AZI2: variants seen among roughly 807,000 people sequenced by gnomAD.
The protein encoded by AZI2 is 5-azacytidine induced 2.
AZI2 carries 22 observed loss-of-function variants against 45.8 expected under a neutral mutation model. The ratio of observed to expected loss-of-function variants is 0.48; its 90% confidence interval spans 0.34 to 0.69. AZI2 has a LOEUF of 0.69. Ranked by LOEUF, AZI2 falls within the 30% of genes least tolerant of loss-of-function variation. The pLI is 0.01. For missense variants in AZI2, 417 were observed against 441.5 expected (o/e 0.94, Z 0.50); for synonymous variants, 137 against 156.7 (o/e 0.87, Z 0.94).
At chr3:28,332,242 C>T (rs2125646544) in intron 6 of AZI2, 127 bp downstream of exon 6, 1 of 743,668 alleles carries the variant, frequency 1.3e-6, no homozygotes, top group Non-Finnish European at 2.2e-6. Context: ...TCAGAGGTTA[C>T]ATCAGTATCC....
rs377211948 is a variant in AZI2 at position 28,332,394 on chromosome 3, C to G, written c.622G>C (p.Asp208His). Residue 208 changes from aspartate to histidine, a missense_variant, in exon 6 of 8, where the codon GAT becomes CAT. Asp to His is a moderately conservative substitution (Grantham distance 81). Transcript: ENST00000479665. ...PYQEDNLKSR[D>H]LQKLSISSDN... is the part of the protein sequence containing the mutation. ...CTTGAAATGCTTAGTTTTTGGAGAT[C>G]TCTGCTCTTCAGATTGTCTTCCTGA... 1 of 1,608,692 alleles carries G rather than the reference C, an allele frequency of 6.2e-7. No homozygotes were observed. Among genetic ancestry groups the G allele is most frequent in the South Asian group, 1.1e-5 (1 of 90,906 alleles).
chr3:28,338,222 TAA>T (rs547484899), intron 3 of AZI2, among the ~76,000 whole-genome samples, 186 bp from the exon 4 acceptor site: 15 of 141,306 alleles, frequency 1.1e-4, no homozygotes, highest in Admixed American at 4.9e-4. Context: ...TTCACTGGCT[TAA>T]AAAAAAAAAA....
At chr3:28,324,838 G>A (rs1307937252) in intron 7 of AZI2, 1 of 157,658 alleles carries the variant, frequency 6.3e-6, no homozygotes, top group African/African-American at 2.4e-5. Context: ...TATTGTGGCT[G>A]GAGAAGGATT....
intron 7 of AZI2, chr3:28,324,792 A>G (rs1703321612): frequency 5.4e-6 from 1 of 184,684 alleles, no homozygotes; most frequent in Non-Finnish European, 1.1e-5. Flanking sequence ...AAACTAATAC[A>G]GTTAAAATAC....
At chr3:28,343,947 T>C (rs890712496) in intron 1 of AZI2, among the ~76,000 whole-genome samples, 1 of 152,092 alleles carries the variant, frequency 6.6e-6, no homozygotes, top group Non-Finnish European at 1.5e-5. Flanking sequence ...CCTATTGATA[T>C]GCTACCTTTT....
At chr3:28,325,158 A>C (rs1703342669) in intron 7 of AZI2, 1 of 150,172 alleles carries the variant, frequency 6.7e-6, no homozygotes, top group African/African-American at 2.4e-5. Context: ...AAAAAAAAAA[A>C]GTTTTGTACA....
At chr3:28,346,394 A>G (rs1704230487) in intron 1 of AZI2, among the ~76,000 whole-genome samples, 1 of 152,116 alleles carries the variant, frequency 6.6e-6, no homozygotes, top group African/African-American at 2.4e-5. Context: ...AAACAGAGAG[A>G]AGGGAATTCA....
chr3:28,338,053 A>G lies in AZI2; in HGVS notation c.340-17T>C. 1 of 1,427,650 alleles carries G rather than the reference A, an allele frequency of 7.0e-7. No individual in the cohort carries two copies. The allele number at this position is 1,427,650 out of a possible 1,614,324, so 88.4% of individuals were successfully genotyped here. On this transcript the variant is annotated splice_polypyrimidine_tract_variant and intron_variant, in intron 3 of 7. Coordinates refer to ENST00000479665, the MANE Select transcript of AZI2 (RefSeq NM_022461.5). ...GTCTTTATTCTAGTTAAGTAGGGAA[A>G]ATGCCAAATTACATTCAATAAAATC...
In AZI2 at chr3:28,332,410, G is replaced by A. The variant is rs770018277; in HGVS notation, c.606C>T (p.Asp202=). Residue 202 remains aspartate, a synonymous_variant, in exon 6 of 8, where the codon GAC becomes GAT. Transcript: ENST00000479665. ...KAKQTDPYQE[D]NLKSRDLQKL... ...TTTGGAGATCTCTGCTCTTCAGATTGTCTTCCTGATATGGATCCTGTCATT... is the reference window on the plus strand; with the variant it reads ...TTTGGAGATCTCTGCTCTTCAGATTATCTTCCTGATATGGATCCTGTCATT... The A allele has an allele frequency of 1.9e-6, 3 of 1,608,278 alleles. No individual in the cohort carries two copies. In the South Asian group the frequency reaches 3.3e-5, roughly 18 times the overall value.
intron 2 of AZI2, among the ~76,000 whole-genome samples, 161 bp from the exon 3 acceptor site, chr3:28,338,776 A>G (rs1468413971): frequency 6.6e-6 from 1 of 152,226 alleles, no homozygotes; most frequent in Non-Finnish European, 1.5e-5. Context: ...ATCTTTACAT[A>G]GAAAGCAAAA....
intron 6 of AZI2, among the ~76,000 whole-genome samples, chr3:28,329,352 T>TTGGAGTAACATTTTTGA (rs1465074104): frequency 6.6e-6 from 1 of 151,102 alleles, no homozygotes; most frequent in Non-Finnish European, 1.5e-5. Flanking sequence ...CACTGCCCTT[T>TTGGAGTAACATTTTTGA]TGGAGTAACA....
intron 1 of AZI2, among the ~76,000 whole-genome samples, chr3:28,343,495 G>A (rs114419025): frequency 6.6e-6 from 1 of 151,954 alleles, no homozygotes; most frequent in Non-Finnish European, 1.5e-5. Context: ...AAAAACACAG[G>A]CCTGGACATG....
chr3:28,326,206 G>C (rs1250480532), intron 7 of AZI2, among the ~76,000 whole-genome samples: 1 of 150,930 alleles, frequency 6.6e-6, no homozygotes, highest in Non-Finnish European at 1.5e-5. Context: ...TAGCTTTGGC[G>C]AAAGTAGCTA....
At position 28,326,659 on chromosome 3, in the gene AZI2, A is replaced by G. The variant is rs1405057122; in HGVS notation, c.766+173T>C. ...ACATCAGCAACACCTTTATGTGTGA[A>G]GTTGACCAGTATGAGACTGAAGCCA... On this transcript the variant is annotated intron_variant, in intron 7 of 7. Coordinates refer to ENST00000479665, the MANE Select transcript of AZI2 (RefSeq NM_022461.5). 9 of 673,322 alleles carry G rather than the reference A, an allele frequency of 1.3e-5. No individual in the cohort carries two copies. In the East Asian group the frequency reaches 1.9e-4, roughly 14 times the overall value. 41.7% of individuals were successfully genotyped at this position (673,322 alleles called of 1,614,324 possible). A position where few individuals can be genotyped will look rare whatever the true frequency, so the allele number is the denominator to read the frequency against.
Position 28,324,070 on chromosome 3 carries a change from T to C in AZI2, c.1151A>G (p.His384Arg), listed in dbSNP as rs1703285392. Residue 384 changes from histidine (H) to arginine (R), a missense_variant, in exon 8 of 8, where the codon CAT becomes CGT. His to Arg is a conservative substitution (Grantham distance 29). Coordinates refer to ENST00000479665, the MANE Select transcript of AZI2 (RefSeq NM_022461.5). ...NLPPLHYLDQ[H>R]NQNCLYKN The stretch of plus-strand genomic sequence containing the variant: ...ATTCTTATAAAGGCAGTTCTGATTA[T>C]GTTGATCCAAGTAATGCAGTGGTGG... 2 of 1,609,212 alleles carry C rather than the reference T, an allele frequency of 1.2e-6. No individual in the cohort carries two copies. Among genetic ancestry groups the C allele is most frequent in the African/African-American group, 2.7e-5 (2 of 74,542 alleles).
rs371341778 is a variant in AZI2 at position 28,340,642 on chromosome 3, T to C, written c.-5-20A>G. ...TGACAACTGTTTAAAAGAAAAAAAA[T>C]ATGAGTGACAAATGTCTCACTGAAT... On this transcript the variant is annotated intron_variant, in intron 1 of 7. Transcript: ENST00000479665. 5.9e-6 allele frequency: 9 copies of C among 1,533,632 alleles called. No individual in the cohort carries two copies. Among genetic ancestry groups the C allele is most frequent in the Non-Finnish European group, 8.0e-6 (9 of 1,128,116 alleles).
In AZI2 at chr3:28,322,503, A is replaced by G. The variant is rs958815095; in HGVS notation, c.*1539T>C. 5 of 151,698 alleles carry G rather than the reference A, an allele frequency of 3.3e-5. No homozygotes were observed. Among genetic ancestry groups the G allele is most frequent in the East Asian group, 1.9e-4 (1 of 5,160 alleles). 9.4% of individuals were successfully genotyped at this position (151,698 alleles called of 1,614,324 possible). On this transcript the variant is annotated 3_prime_UTR_variant, in exon 8 of 8. Coordinates refer to ENST00000479665, the MANE Select transcript of AZI2 (RefSeq NM_022461.5). ...TAAAAAAGGCAAACCAGTAAGCTAC[A>G]TTAGAGATCAGATATAATATACAGC...
chr3:28,324,575 T>C (rs1399857202), intron 7 of AZI2, 121 bp from the exon 8 acceptor site: 4 of 926,728 alleles, frequency 4.3e-6, no homozygotes, highest in African/African-American at 1.7e-5. Flanking sequence ...CAAGTTAGTG[T>C]GATCATTGAG....
intron 1 of AZI2, among the ~76,000 whole-genome samples, chr3:28,345,202 T>C (rs1484666641): frequency 1.3e-5 from 2 of 152,160 alleles, no homozygotes; most frequent in Admixed American, 1.3e-4. Context: ...TGATTTTAAG[T>C]CATATTCCAA....
Sources: gnomAD v4.1 joint callset for allele counts (sites outside exome capture counted in the v4.1 genomes callset) on GRCh38, gnomAD v4.1.1 for gene constraint, MANE v1.5 for transcripts, NCBI Gene and HGNC (gene_info 2026-07-23, HGNC 2026-07-21) for gene names.